The following INSYN2B variants were observed in gnomAD, a reference collection of about 807,000 sequenced individuals.
The protein encoded by INSYN2B is inhibitory synaptic factor family member 2B, also known as protein INSYN2B.
Under a neutral mutation model 41.2 loss-of-function variants are expected in INSYN2B, and 16 were observed. The observed-to-expected ratio is 0.39, with a 90% CI of 0.26 to 0.59. The LOEUF (loss-of-function observed/expected upper bound fraction) is 0.59. INSYN2B is among the 20% of genes least tolerant of loss of function. The pLI is 0.57. For synonymous variants in INSYN2B, 245 were observed against 244.4 expected (o/e 1.00, Z -0.02); for missense variants, 608 against 646.4 (o/e 0.94, Z 0.64).
intron 1 of INSYN2B, among the ~76,000 whole-genome samples, chr5:169,979,008 A>G (rs1263511462): frequency 1.3e-5 from 2 of 152,208 alleles, no homozygotes; most frequent in Non-Finnish European, 2.9e-5. Flanking sequence ...TGTTTTAAGA[A>G]GCAATTTCCC....
intron 1 of INSYN2B, among the ~76,000 whole-genome samples, chr5:169,915,353 A>G (rs1183597489): frequency 3.3e-5 from 5 of 152,166 alleles, no homozygotes; most frequent in African/African-American, 1.2e-4. Flanking sequence ...GTAAGCACTA[A>G]TATTAATTGC....
intron 1 of INSYN2B, among the ~76,000 whole-genome samples, chr5:169,971,161 C>G (rs1206217906): frequency 6.8e-6 from 1 of 146,386 alleles, no homozygotes; most frequent in Non-Finnish European, 1.5e-5. Flanking sequence ...ATTTAAGAGG[C>G]AAGAGGTGAA....
intron 1 of INSYN2B, among the ~76,000 whole-genome samples, chr5:169,974,229 G>C (rs1475347180): frequency 6.6e-6 from 1 of 152,178 alleles, no homozygotes; most frequent in Non-Finnish European, 1.5e-5. Flanking sequence ...TCTACTGAAA[G>C]TTTGGAGGAT....
chr5:169,869,723 TC>T (rs1481862783), intron 3 of INSYN2B, among the ~76,000 whole-genome samples: 1 of 152,216 alleles, frequency 6.6e-6, no homozygotes, highest in Admixed American at 6.5e-5. Context: ...TGAAGTTAAT[TC>T]TTAGCAGAGC....
chr5:169,936,822 C>G (rs1192715297), intron 1 of INSYN2B, among the ~76,000 whole-genome samples: 1 of 152,106 alleles, frequency 6.6e-6, no homozygotes, highest in Non-Finnish European at 1.5e-5. Flanking sequence ...GCTAAATTGA[C>G]AAAACTCAAT....
In INSYN2B at chr5:169,934,403, C is replaced by A. The variant is rs555505556; in HGVS notation, c.-919+45874G>T. On this transcript the variant is annotated intron_variant, in intron 1 of 3. Coordinates refer to ENST00000377365, the MANE Select transcript of INSYN2B (RefSeq NM_001129891.3). Reference sequence around the variant, plus strand: ...TTGTTCCCACTAATTTACCTATCCGCATGCCCGTGAATCACAAACCCTCAA... The same window carrying A: ...TTGTTCCCACTAATTTACCTATCCGAATGCCCGTGAATCACAAACCCTCAA... 5.8e-4 allele frequency among the ~76,000 whole-genome samples: 89 copies of A among 152,326 alleles called. 5 individuals carry two copies. In the South Asian group the frequency reaches 0.014, roughly 25 times the overall value.
intron 1 of INSYN2B, among the ~76,000 whole-genome samples, chr5:169,975,417 C>T (rs1378453177): frequency 6.6e-6 from 1 of 152,172 alleles, no homozygotes; most frequent in African/African-American, 2.4e-5. Flanking sequence ...GCACTGATCC[C>T]ATGGGCCTCC....
At chr5:169,910,186 C>T (rs1446469556) in intron 1 of INSYN2B, among the ~76,000 whole-genome samples, 1 of 152,122 alleles carries the variant, frequency 6.6e-6, no homozygotes, top group East Asian at 1.9e-4. Flanking sequence ...GATCCAGATC[C>T]CAAGTCTGTC....
intron 1 of INSYN2B, among the ~76,000 whole-genome samples, chr5:169,971,764 C>G (rs1777517035): frequency 6.6e-6 from 1 of 152,240 alleles, no homozygotes; most frequent in Non-Finnish European, 1.5e-5. Flanking sequence ...CATCCTATTA[C>G]CTACAAATTG....
In INSYN2B at chr5:169,883,288, A is replaced by G; in HGVS notation, c.611T>C (p.Val204Ala). 6.4e-7 allele frequency: 1 copy of G among 1,551,454 alleles called. No homozygotes were observed. Among genetic ancestry groups the G allele is most frequent in the Non-Finnish European group, 8.7e-7 (1 of 1,146,904 alleles). ...SLEKATAAIQ[V>A]PDDIYHSPSW... is the part of the protein sequence containing the mutation. ...AGGACTGTGATAAATATCATCTGGAACCTGAATGGCAGCTGTGGCTTTCTC... is the reference window on the plus strand; with the variant it reads ...AGGACTGTGATAAATATCATCTGGAGCCTGAATGGCAGCTGTGGCTTTCTC... Residue 204 changes from valine to alanine, a missense_variant, in exon 2 of 4, where the codon GTT becomes GCT. Val to Ala is a moderately conservative substitution (Grantham distance 64). Transcript: ENST00000377365.
At chr5:169,976,562 A>T (rs1380345704) in intron 1 of INSYN2B, among the ~76,000 whole-genome samples, 1 of 152,192 alleles carries the variant, frequency 6.6e-6, no homozygotes, top group East Asian at 1.9e-4. Flanking sequence ...CATATACTTT[A>T]GAAGTTTTCA....
intron 1 of INSYN2B, among the ~76,000 whole-genome samples, chr5:169,930,348 C>G (rs1775687534): frequency 6.6e-6 from 1 of 152,208 alleles, no homozygotes; most frequent in Admixed American, 6.5e-5. Flanking sequence ...TCAGAAGACA[C>G]TCTGGCTTTA....
intron 1 of INSYN2B, chr5:169,934,585 G>T (rs1033950173): frequency 1.5e-5 from 7 of 454,194 alleles, no homozygotes; most frequent in Non-Finnish European, 2.2e-5. Context: ...CCTGCTCTTT[G>T]CTTCCAGGCT....
intron 1 of INSYN2B, among the ~76,000 whole-genome samples, chr5:169,905,129 T>C (rs1774204337): frequency 6.6e-6 from 1 of 151,992 alleles, no homozygotes; most frequent in African/African-American, 2.4e-5. Flanking sequence ...CTACAGTGGG[T>C]TTAGGAAGGG....
chr5:169,977,681 C>T (rs747812212), intron 1 of INSYN2B, among the ~76,000 whole-genome samples: 4 of 152,192 alleles, frequency 2.6e-5, no homozygotes, highest in Non-Finnish European at 5.9e-5. Flanking sequence ...CTTTAGAGTA[C>T]TGCCTTATCC....
rs948731644 is a variant in INSYN2B at position 169,939,195 on chromosome 5, T to C, written c.-919+41082A>G. Among the ~76,000 whole-genome samples the C allele has an allele frequency of 6.1e-5, 9 of 148,156 alleles. No individual in the cohort carries two copies. The East Asian group carries it at 8.0e-4, about 13-fold the overall frequency. On this transcript the variant is annotated intron_variant, in intron 1 of 3. Coordinates refer to ENST00000377365, the MANE Select transcript of INSYN2B (RefSeq NM_001129891.3). ...CTGGGATTACAGGCGTGAGCCACTG[T>C]GCCCGGCCTTTTTTTTTTTTTTAAA... is the stretch of plus-strand genomic sequence containing the variant.
chr5:169,928,256 T>C (rs1485282761), intron 1 of INSYN2B, among the ~76,000 whole-genome samples: 1 of 152,094 alleles, frequency 6.6e-6, no homozygotes, highest in Non-Finnish European at 1.5e-5. Flanking sequence ...CTGCCACAGG[T>C]CTTACACCAG....
At chr5:169,952,474 T>C (rs536844999) in intron 1 of INSYN2B, among the ~76,000 whole-genome samples, 151 of 152,230 alleles carry the variant, frequency 9.9e-4, no homozygotes, top group Middle Eastern at 6.8e-3. Context: ...GCTGGTCTTA[T>C]GCAGGTGACC....
intron 3 of INSYN2B, among the ~76,000 whole-genome samples, chr5:169,872,016 C>G (rs1772009417): frequency 6.6e-6 from 1 of 152,304 alleles, no homozygotes; most frequent in South Asian, 2.1e-4. Flanking sequence ...GTGGGTCCTG[C>G]TCTTTTATAA....
Sources: gnomAD v4.1 joint callset for allele counts (sites outside exome capture counted in the v4.1 genomes callset) on GRCh38, gnomAD v4.1.1 for gene constraint, MANE v1.5 for transcripts, NCBI Gene and HGNC (gene_info 2026-07-23, HGNC 2026-07-21) for gene names.